Variants in NEU4 observed in about 807,000 individuals in gnomAD.
NEU4 encodes neuraminidase 4.
Under a neutral mutation model 9.9 loss-of-function variants are expected in NEU4, and 7 were observed. That is an observed-to-expected ratio of 0.71 (90% CI 0.40 to 1.33). The LOEUF (loss-of-function observed/expected upper bound fraction) is 1.33, where lower values mean the gene tolerates loss of function less well. Among genes scored for constraint, NEU4 ranks in the 40% most tolerant of loss-of-function variants. The pLI, the probability that NEU4 is intolerant of heterozygous loss-of-function variation, is 0.01. For synonymous variants in NEU4, 348 were observed against 316.9 expected (o/e 1.10, Z -1.04); for missense variants, 717 against 712.6 (o/e 1.01, Z -0.07).
In NEU4 at chr2:241,811,216, A is replaced by G. The variant is rs111338684; in HGVS notation, c.-4+1942A>G. 64 of 1,241,302 alleles carry G rather than the reference A, an allele frequency of 5.2e-5. No individual in the cohort carries two copies. The African/African-American group carries it at 8.7e-4, about 17-fold the overall frequency. 76.9% of individuals were successfully genotyped at this position (1,241,302 alleles called of 1,614,324 possible). ...CAGCACCCCAGTGTTGAGTGCCTTG[A>G]CCTGCAGAGGGGAGCCTGTGCTGGT... is the stretch of plus-strand genomic sequence containing the variant. On this transcript the variant is annotated intron_variant, in intron 1 of 3. Transcript: ENST00000407683.
chr2:241,810,727 C>CACGGCAGCTGTGCT (rs1700086954), intron 1 of NEU4: 3 of 152,630 alleles, frequency 2.0e-5, no homozygotes, highest in South Asian at 2.1e-4. Flanking sequence ...AGGAGTCCTG[C>CACGGCAGCTGTGCT]GGGGACAGGC....
rs915556893 is a variant in NEU4, at chr2:241,811,208, G to C, written c.-4+1934G>C. The C allele has an allele frequency of 3.2e-6, 4 of 1,237,614 alleles. No homozygotes were observed. In the African/African-American group the frequency reaches 6.2e-5, roughly 19 times the overall value. The allele number at this position is 1,237,614 out of a possible 1,614,324, so 76.7% of individuals were successfully genotyped here. ...CGTGTCCTCAGCACCCCAGTGTTGAGTGCCTTGACCTGCAGAGGGGAGCCT... is the reference window on the plus strand; with the variant it reads ...CGTGTCCTCAGCACCCCAGTGTTGACTGCCTTGACCTGCAGAGGGGAGCCT... On this transcript the variant is annotated intron_variant, in intron 1 of 3. Coordinates refer to ENST00000407683, the MANE Select transcript of NEU4 (RefSeq NM_001167600.3).
rs1352716991 is a variant in NEU4, at chr2:241,816,361, G to C, written c.768G>C (p.Glu256Asp). 4 of 1,589,376 alleles carry C rather than the reference G, an allele frequency of 2.5e-6. No homozygotes were observed. Among genetic ancestry groups the C allele is most frequent in the Non-Finnish European group, 3.4e-6 (4 of 1,171,078 alleles). Residue 256 changes from glutamate to aspartate, a missense_variant, in exon 4 of 4, where the codon GAG (glutamate) becomes GAC (aspartate). Physicochemically the swap from Glu to Asp is conservative, Grantham distance 45. Transcript: ENST00000407683. ...GSRVQALSTDEGTSFLPAERV... is the reference protein window; with the variant it reads ...GSRVQALSTDDGTSFLPAERV... Reference sequence around the variant, plus strand: ...GTGTGCAGGCGCTCAGCACTGACGAGGGCACCTCCTTCCTGCCCGCAGAGC... The same window carrying C: ...GTGTGCAGGCGCTCAGCACTGACGACGGCACCTCCTTCCTGCCCGCAGAGC...
intron 1 of NEU4, chr2:241,813,598 G>C (rs1700196793): frequency 8.4e-7 from 1 of 1,186,234 alleles, no homozygotes; most frequent in Non-Finnish European, 1.1e-6. Flanking sequence ...TGTTGCCTGG[G>C]AGCAAACTCC....
At chr2:241,811,051 G>C in intron 1 of NEU4, 2 of 1,106,986 alleles carry the variant, frequency 1.8e-6, no homozygotes, top group Non-Finnish European at 2.2e-6. Flanking sequence ...GCCCAGAGGA[G>C]AGTGTGCACT....
Position 241,816,685 on chromosome 2 carries a change from C to A in NEU4, c.1092C>A (p.Leu364=). The A allele has an allele frequency of 6.5e-7, 1 of 1,531,146 alleles. No individual in the cohort carries two copies. Among genetic ancestry groups the A allele is most frequent in the South Asian group, 1.3e-5 (1 of 78,666 alleles). The allele number at this position is 1,531,146 out of a possible 1,614,324, so 94.8% of individuals were successfully genotyped here. Residue 364 remains leucine, a synonymous_variant, in exon 4 of 4, where the codon CTC becomes CTA. Transcript: ENST00000407683. ...ATGTGGGGTCCTGGACCCTGGCACT[C>A]CCCATGCCCTTTGCTGCCCCGCCCC... ...SGDVGSWTLA[L]PMPFAAPPQS...
chr2:241,809,274 G>C lies in NEU4; in HGVS notation c.-4G>C. 1.6e-6 allele frequency: 2 copies of C among 1,287,594 alleles called. No individual in the cohort carries two copies. Among genetic ancestry groups the C allele is most frequent in the Non-Finnish European group, 2.0e-6 (2 of 987,300 alleles). The allele number at this position is 1,287,594 out of a possible 1,614,324, so 79.8% of individuals were successfully genotyped here. ...TTTGAGGTTGGCGGGAACTGAAACT[G>C]GTACGGTCTTTTTGAATAGAAATTT... On this transcript the variant is annotated splice_region_variant and 5_prime_UTR_variant, in exon 1 of 4. Coordinates refer to ENST00000407683, the MANE Select transcript of NEU4 (RefSeq NM_001167600.3).
At chr2:241,814,227 G>A (rs1700224590) in intron 1 of NEU4, 1 of 641,708 alleles carries the variant, frequency 1.6e-6, no homozygotes, top group Non-Finnish European at 2.9e-6. Context: ...CCAGAGCCGT[G>A]TTGAGAGGGG....
Position 241,814,681 on chromosome 2 carries a change from T to C in NEU4, c.197T>C (p.Val66Ala). 6.5e-7 allele frequency: 1 copy of C among 1,548,118 alleles called. No homozygotes were observed. The change falls in exon 2 of 4, where the codon GTG becomes GCG. Residue 66 changes from valine (V) to alanine (A), a missense_variant. Transcript: ENST00000407683. ...LRRGTLAGGS[V>A]RWGALHVLGT... Reference sequence around the variant, plus strand: ...AGGGGCACGCTGGCCGGGGGCTCCGTGCGGGTGAGTGAGTGGCCGGGGGCT... The same window carrying C: ...AGGGGCACGCTGGCCGGGGGCTCCGCGCGGGTGAGTGAGTGGCCGGGGGCT...
Position 241,809,195 on chromosome 2 carries a change from A to C in NEU4, c.-83A>C, listed in dbSNP as rs984091231. 3 of 1,286,132 alleles carry C rather than the reference A, an allele frequency of 2.3e-6. No individual in the cohort carries two copies. The African/African-American group carries it at 4.7e-5, about 20-fold the overall frequency. The allele number at this position is 1,286,132 out of a possible 1,614,324, so 79.7% of individuals were successfully genotyped here. ...GCGTGGACTCTGCCCTCAGCTTCAC[A>C]GTCACCGAAGAAATGAAGTTACAGG... is the stretch of plus-strand genomic sequence containing the variant. On this transcript the variant is annotated 5_prime_UTR_variant, in exon 1 of 4. Transcript: ENST00000407683.
rs775291750 is a variant in NEU4 at position 241,811,496 on chromosome 2, A to AC, written c.-4+2226dup. 1.4e-5 allele frequency: 20 copies of AC among 1,471,074 alleles called. No homozygotes were observed. The African/African-American group carries it at 2.9e-4, about 21-fold the overall frequency. The allele number at this position is 1,471,074 out of a possible 1,614,324, so 91.1% of individuals were successfully genotyped here. A position where few individuals can be genotyped will look rare whatever the true frequency, so the allele number is the denominator to read the frequency against. ...TGCCCTTTGCACCCCCAGCACCCTC[A>AC]CCCCTCTACCCGGGCGCCCGGGGTC... On this transcript the variant is annotated intron_variant, in intron 1 of 3. Transcript: ENST00000407683.
intron 1 of NEU4, chr2:241,810,973 G>C (rs1478438818): frequency 2.0e-6 from 2 of 1,003,500 alleles, no homozygotes; most frequent in Non-Finnish European, 2.4e-6. Context: ...CAGATACAGA[G>C]CTAGAGCCCA....
chr2:241,815,847 G>T, intron 3 of NEU4: 1 of 615,504 alleles, frequency 1.6e-6, no homozygotes, highest in Middle Eastern at 4.4e-4. Context: ...GTCCACCTGG[G>T]CTCGGCTGCT....
At chr2:241,812,284 G>A (rs956248080) in intron 1 of NEU4, among the ~76,000 whole-genome samples, 2 of 152,106 alleles carry the variant, frequency 1.3e-5, no homozygotes, top group Non-Finnish European at 2.9e-5. Flanking sequence ...GGACCAGAAG[G>A]CCAGGTTCTC....
chr2:241,810,420 G>A (rs1401941879), intron 1 of NEU4: 7 of 152,204 alleles, frequency 4.6e-5, no homozygotes, highest in Admixed American at 4.6e-4. Context: ...AGGACCTGGA[G>A]GGACGCGGCA....
chr2:241,815,948 C>T lies in NEU4; in HGVS notation c.458-103C>T, dbSNP rs946408328. ...GGCGGTCAGAGTGCGATGGTCCTAA[C>T]CCGAGGCACCAGCCCCTCCTTCCCC... On this transcript the variant is annotated intron_variant, in intron 3 of 3. Coordinates refer to ENST00000407683, the MANE Select transcript of NEU4 (RefSeq NM_001167600.3). 1.4e-5 allele frequency: 17 copies of T among 1,192,612 alleles called. No homozygotes were observed. In the African/African-American group the frequency reaches 2.2e-4, roughly 15 times the overall value. The allele number at this position is 1,192,612 out of a possible 1,614,324, so 73.9% of individuals were successfully genotyped here.
chr2:241,815,244 G>C (rs1246713086), intron 3 of NEU4, 97 bp downstream of exon 3: 10 of 1,393,002 alleles, frequency 7.2e-6, no homozygotes, highest in Middle Eastern at 2.1e-4. Flanking sequence ...CCCCACCCCT[G>C]TCTCCAGCCA....
intron 1 of NEU4, chr2:241,811,048 GGA>G: frequency 9.1e-7 from 1 of 1,101,902 alleles, no homozygotes; most frequent in Non-Finnish European, 1.1e-6. Flanking sequence ...GAAGCCCAGA[GGA>G]GAGTGTGCAC....
At chr2:241,810,287 G>A (rs896745399) in intron 1 of NEU4, among the ~76,000 whole-genome samples, 12 of 152,262 alleles carry the variant, frequency 7.9e-5, no homozygotes, top group East Asian at 5.8e-4. Context: ...CCGTCTTCAC[G>A]AGCTCTGGCG....
Sources: gnomAD v4.1 joint callset for allele counts (sites outside exome capture counted in the v4.1 genomes callset) on GRCh38, gnomAD v4.1.1 for gene constraint, MANE v1.5 for transcripts, NCBI Gene and HGNC (gene_info 2026-07-23, HGNC 2026-07-21) for gene names.